The following UBE2E3 variants were observed in gnomAD, a reference collection of about 807,000 sequenced individuals.
UBE2E3 encodes the protein ubiquitin conjugating enzyme E2 E3.
In UBE2E3, 5 loss-of-function variants were observed where a neutral mutation model predicts 23.6. That is an observed-to-expected ratio of 0.21 (90% CI 0.11 to 0.44). The LOEUF is 0.44. UBE2E3 is among the 20% of genes least tolerant of loss of function. UBE2E3 has a pLI of 0.99. For synonymous variants in UBE2E3, 78 were observed against 87.5 expected (o/e 0.89, Z 0.60); for missense variants, 81 against 249.8 (o/e 0.32, Z 4.55).
At chr2:180,991,811 A>G (rs1684667462) in intron 3 of UBE2E3, among the ~76,000 whole-genome samples, 1 of 143,528 alleles carries the variant, frequency 7.0e-6, no homozygotes, top group Admixed American at 6.9e-5. Flanking sequence ...CAAAAGTATG[A>G]TTCAAGCCCA....
intron 3 of UBE2E3, among the ~76,000 whole-genome samples, chr2:181,034,345 C>T (rs892870257): frequency 6.6e-5 from 10 of 152,202 alleles, no homozygotes; most frequent in African/African-American, 2.4e-4. Flanking sequence ...TACTGTGCAG[C>T]CATAAGAAAG....
At chr2:181,044,509 A>C (rs1258914097) in intron 3 of UBE2E3, among the ~76,000 whole-genome samples, 2 of 152,144 alleles carry the variant, frequency 1.3e-5, no homozygotes, top group Admixed American at 6.6e-5. Flanking sequence ...GACAGATAGA[A>C]TGCAGGTTTA....
intron 3 of UBE2E3, among the ~76,000 whole-genome samples, chr2:181,002,712 ACAC>A (rs1486395235): frequency 5.3e-5 from 8 of 152,262 alleles, no homozygotes; most frequent in Non-Finnish European, 8.8e-5. Context: ...GTTAAAATAT[ACAC>A]CACCTTTTAA....
At chr2:181,049,749 C>G (rs1249156888) in intron 3 of UBE2E3, among the ~76,000 whole-genome samples, 1 of 151,962 alleles carries the variant, frequency 6.6e-6, no homozygotes, top group East Asian at 1.9e-4. Flanking sequence ...TATATGTACA[C>G]CTGACTGCCA....
intron 3 of UBE2E3, among the ~76,000 whole-genome samples, chr2:181,033,471 A>T (rs1462775006): frequency 6.6e-6 from 1 of 152,228 alleles, no homozygotes; most frequent in Non-Finnish European, 1.5e-5. Flanking sequence ...AAAAGTGGCT[A>T]GCCATATGTA....
chr2:181,021,676 C>T (rs1380744888), intron 3 of UBE2E3, among the ~76,000 whole-genome samples: 2 of 131,148 alleles, frequency 1.5e-5, no homozygotes, highest in African/African-American at 2.9e-5. Context: ...TCTTTCCTTC[C>T]TTCCCAACTT....
At chr2:181,035,865 A>G (rs1022579239) in intron 3 of UBE2E3, among the ~76,000 whole-genome samples, 2 of 152,172 alleles carry the variant, frequency 1.3e-5, no homozygotes, top group Non-Finnish European at 2.9e-5. Flanking sequence ...GCTGATGATG[A>G]ATTTTACTCA....
chr2:180,982,264 A>C, intron 2 of UBE2E3, 28 bp downstream of exon 2: 1 of 1,591,736 alleles, frequency 6.3e-7, no homozygotes, highest in Non-Finnish European at 8.6e-7. Flanking sequence ...GATCCAGCAC[A>C]CTTTGTCAGG....
chr2:181,047,206 T>C (rs1259906473), intron 3 of UBE2E3, among the ~76,000 whole-genome samples: 1 of 152,158 alleles, frequency 6.6e-6, no homozygotes, highest in African/African-American at 2.4e-5. Flanking sequence ...CTGCTTTGTT[T>C]CCATTTGCTT....
At chr2:181,054,957 A>G (rs1027866640) in intron 3 of UBE2E3, among the ~76,000 whole-genome samples, 2 of 151,778 alleles carry the variant, frequency 1.3e-5, no homozygotes, top group African/African-American at 4.8e-5. Flanking sequence ...TAGGAATGAA[A>G]GAGAAAGTGT....
rs932308332 is a variant in UBE2E3 at position 180,995,754 on chromosome 2, T to C, written c.245+11661T>C. On this transcript the variant is annotated intron_variant, in intron 3 of 5. Coordinates refer to ENST00000410062, the MANE Select transcript of UBE2E3 (RefSeq NM_006357.4). ...TTCAGGCTGGATTTTTTTTTTTTTT[T>C]CTGACAGCTACCACTTTTTGTTTGT... 5.9e-5 allele frequency among the ~76,000 whole-genome samples: 9 copies of C among 151,764 alleles called. No homozygotes were observed. In the East Asian group the frequency reaches 7.7e-4, roughly 13 times the overall value.
At chr2:180,989,410 G>A (rs1449531511) in intron 3 of UBE2E3, among the ~76,000 whole-genome samples, 1 of 151,970 alleles carries the variant, frequency 6.6e-6, no homozygotes, top group South Asian at 2.1e-4. Flanking sequence ...GCAATTCCAG[G>A]CAAAACAATG....
intron 3 of UBE2E3, among the ~76,000 whole-genome samples, chr2:181,023,419 C>G (rs1053381592): frequency 1.3e-5 from 2 of 152,154 alleles, no homozygotes; most frequent in African/African-American, 4.8e-5. Context: ...CACAAAAACT[C>G]CATTATCAAT....
chr2:181,041,245 A>AAAAAAAAAAGAT (rs1686491961), intron 3 of UBE2E3, among the ~76,000 whole-genome samples: 1 of 150,168 alleles, frequency 6.7e-6, no homozygotes, highest in African/African-American at 2.5e-5. Flanking sequence ...AAAAAAAAAA[A>AAAAAAAAAAGAT]AAAAAAAAGA....
chr2:181,013,302 T>C (rs979642350), intron 3 of UBE2E3, among the ~76,000 whole-genome samples: 4 of 152,148 alleles, frequency 2.6e-5, no homozygotes, highest in African/African-American at 9.7e-5. Context: ...GACAAGAGTT[T>C]GGGAGAGGAG....
At chr2:181,046,973 C>G (rs1205826120) in intron 3 of UBE2E3, among the ~76,000 whole-genome samples, 3 of 152,040 alleles carry the variant, frequency 2.0e-5, no homozygotes, top group Non-Finnish European at 4.4e-5. Flanking sequence ...ACTAGGTTTC[C>G]TTTTCACTAC....
chr2:181,030,101 C>T lies in UBE2E3; in HGVS notation c.246-27592C>T, dbSNP rs567676950. ...CCTGCTTCGGCCTCCCAAAGTGCTGCGATTACAGGTGTGAGCCACCACACC... is the reference window on the plus strand; with the variant it reads ...CCTGCTTCGGCCTCCCAAAGTGCTGTGATTACAGGTGTGAGCCACCACACC... On this transcript the variant is annotated intron_variant, in intron 3 of 5. Transcript: ENST00000410062. Among the ~76,000 whole-genome samples the T allele has an allele frequency of 4.6e-5, 7 of 151,886 alleles. No individual in the cohort carries two copies. In the South Asian group the frequency reaches 6.2e-4, roughly 14 times the overall value.
chr2:181,033,189 C>T (rs1052459107), intron 3 of UBE2E3, among the ~76,000 whole-genome samples: 1 of 152,168 alleles, frequency 6.6e-6, no homozygotes, highest in African/African-American at 2.4e-5. Flanking sequence ...CTTTAAAGTT[C>T]ATATGGCACC....
intron 3 of UBE2E3, among the ~76,000 whole-genome samples, chr2:181,046,675 A>G (rs1686682740): frequency 2.0e-5 from 3 of 152,244 alleles, no homozygotes; most frequent in Admixed American, 6.5e-5. Context: ...GGGTTAAGTA[A>G]TCTTAGCCAA....
Sources: gnomAD v4.1 joint callset for allele counts (sites outside exome capture counted in the v4.1 genomes callset) on GRCh38, gnomAD v4.1.1 for gene constraint, MANE v1.5 for transcripts, NCBI Gene and HGNC (gene_info 2026-07-23, HGNC 2026-07-21) for gene names.